The following MEGF6 variants were observed in gnomAD, a reference collection of about 807,000 sequenced individuals.
The protein encoded by MEGF6 is multiple epidermal growth factor-like domains protein 6.
Under a neutral mutation model 207.1 loss-of-function variants are expected in MEGF6, and 184 were observed. That is an observed-to-expected ratio of 0.89 (90% CI 0.79 to 1.00). The LOEUF (loss-of-function observed/expected upper bound fraction) is 1.00. Ranked by LOEUF, MEGF6 falls within the 50% of genes least tolerant of loss-of-function variation. The pLI is 0.00. For missense variants in MEGF6, 2,282 were observed against 2,202.9 expected, an observed-to-expected ratio of 1.04 and a Z score of -0.72; for synonymous variants, 1,038 against 910.0, an observed-to-expected ratio of 1.14 and a Z score of -2.53.
Position 3,573,341 on chromosome 1 carries a change from C to T in MEGF6, c.481+6484G>A, listed in dbSNP as rs1643560928. On this transcript the variant is annotated intron_variant, in intron 4 of 36. Transcript: ENST00000356575. The surrounding 1 kb of genome is among the most constrained non-coding windows in gnomAD (Gnocchi z 5.1). ...TCTCACACCAGACACAAAAAGCCTC[C>T]CCCAGGGTGGCCTCCTGGCTGAGCC... 6.6e-6 allele frequency among the ~76,000 whole-genome samples: 1 copy of T among 152,214 alleles called. No individual in the cohort carries two copies. Among genetic ancestry groups the T allele is most frequent in the South Asian group, 2.1e-4 (1 of 4,838 alleles).
chr1:3,534,419 C>T (rs182902057), intron 4 of MEGF6, among the ~76,000 whole-genome samples: 84 of 152,310 alleles, frequency 5.5e-4, no homozygotes, highest in Non-Finnish European at 9.6e-4. Context: ...GTGTGGCTCA[C>T]ATTCTGTTTC....
upstream of MEGF6, among the ~76,000 whole-genome samples, chr1:3,616,100 ATAACT>A: frequency 3.3e-5 from 5 of 152,212 alleles, no homozygotes; most frequent in Non-Finnish European, 7.3e-5. Context: ...AGCTCAGTGG[ATAACT>A]CAAGGTGCTA....
intron 17 of MEGF6, among the ~76,000 whole-genome samples, chr1:3,502,877 C>T (rs1640960271): frequency 6.6e-6 from 1 of 152,218 alleles, no homozygotes; most frequent in Non-Finnish European, 1.5e-5. Flanking sequence ...GCTCGGGTAG[C>T]AGCGAAGCCT....
At chr1:3,501,752 G>T (rs1331170490) in intron 18 of MEGF6, 44 bp downstream of exon 18, 1 of 1,598,622 alleles carries the variant, frequency 6.3e-7, no homozygotes, top group Non-Finnish European at 8.5e-7. Flanking sequence ...GCTTGGAGCC[G>T]TGCAGCCTGG....
chr1:3,516,702 C>T (rs948654134), intron 5 of MEGF6, among the ~76,000 whole-genome samples: 4 of 152,302 alleles, frequency 2.6e-5, no homozygotes, highest in South Asian at 2.1e-4. Context: ...GCTGGAGCAG[C>T]GGTGTTGCCT....
intron 5 of MEGF6, among the ~76,000 whole-genome samples, chr1:3,520,975 T>A (rs894126709): frequency 6.6e-6 from 1 of 151,392 alleles, no homozygotes; most frequent in Non-Finnish European, 1.5e-5. Flanking sequence ...GAAGGAAGGG[T>A]GGATTTTTAG....
At chr1:3,528,750 G>A (rs966701114) in intron 4 of MEGF6, among the ~76,000 whole-genome samples, 1 of 152,146 alleles carries the variant, frequency 6.6e-6, no homozygotes. Flanking sequence ...CAGGAATGCA[G>A]GCGGCCTCTA....
rs2101026953 is a variant in MEGF6 at position 3,509,087 on chromosome 1, T to A, written c.1516A>T (p.Thr506Ser). 2 of 1,596,014 alleles carry A rather than the reference T, an allele frequency of 1.3e-6. No individual in the cohort carries two copies. The highest frequency in any genetic ancestry group is 4.6e-5 in the East Asian group (2 of 43,794). Residue 506 changes from threonine (T) to serine (S), a missense_variant, in exon 12 of 37, where the codon ACA becomes TCA. Thr to Ser is a moderately conservative substitution (Grantham distance 58). Coordinates refer to ENST00000356575, the MANE Select transcript of MEGF6 (RefSeq NM_001409.4). Reference protein sequence around the residue: ...EAELRGEHTLTEKFVCLDDSF... With the variant: ...EAELRGEHTLSEKFVCLDDSF... The stretch of plus-strand genomic sequence containing the variant: ...GGCCCGCGCTCACCAAACTTCTCTG[T>A]GAGCGTGTGTTCGCCCCGCAACTCT...
rs915711090 is a variant in MEGF6 at position 3,488,477 on chromosome 1, T to C, written c.*2051A>G. Among the ~76,000 whole-genome samples, 3 of 152,240 alleles carry C rather than the reference T, an allele frequency of 2.0e-5. No homozygotes were observed. The highest frequency in any genetic ancestry group is 7.2e-5 in the African/African-American group (3 of 41,460). On this transcript the variant is annotated 3_prime_UTR_variant, in exon 37 of 37. Coordinates refer to ENST00000356575, the MANE Select transcript of MEGF6 (RefSeq NM_001409.4). ...TAGGCCATTTGGGAACTGTGGTGACTGAATATCTCAGAGCACCCTCCTGGC... is the reference window on the plus strand; with the variant it reads ...TAGGCCATTTGGGAACTGTGGTGACCGAATATCTCAGAGCACCCTCCTGGC...
intron 4 of MEGF6, among the ~76,000 whole-genome samples, chr1:3,563,893 G>C (rs1643274466): frequency 6.6e-6 from 1 of 152,188 alleles, no homozygotes; most frequent in African/African-American, 2.4e-5. Flanking sequence ...TGAGAGGCCA[G>C]AGCCTGCCCC....
chr1:3,531,539 C>A, intron 4 of MEGF6: 1 of 1,008,932 alleles, frequency 9.9e-7, no homozygotes, highest in South Asian at 4.6e-5. Flanking sequence ...CCCCACCTCC[C>A]CCAGGGGGCC....
chr1:3,622,599 C>T, the MEGF6 span, among the ~76,000 whole-genome samples: 1 of 152,248 alleles, frequency 6.6e-6, no homozygotes, highest in East Asian at 1.9e-4. Context: ...AAGAGACCCA[C>T]CTGGAGAAGG....
chr1:3,542,087 A>T (rs2821064), intron 4 of MEGF6, among the ~76,000 whole-genome samples: 72,205 of 151,924 alleles, frequency 0.48, 19,443 homozygotes, highest in Admixed American at 0.65. Flanking sequence ...CGCCTCCCCC[A>T]ACCCCCGGCT....
chr1:3,581,243 C>T (rs1340466671), intron 3 of MEGF6, among the ~76,000 whole-genome samples: 1 of 152,136 alleles, frequency 6.6e-6, no homozygotes, highest in Non-Finnish European at 1.5e-5. Flanking sequence ...AAACACGGGT[C>T]CCTGTGAATG....
chr1:3,588,679 AG>A (rs1643932539), intron 3 of MEGF6, among the ~76,000 whole-genome samples: 1 of 151,964 alleles, frequency 6.6e-6, no homozygotes, highest in African/African-American at 2.4e-5. Flanking sequence ...GGCACAGAGA[AG>A]GGCTCCAAGG....
chr1:3,557,021 G>C (rs1643054487), intron 4 of MEGF6, among the ~76,000 whole-genome samples: 1 of 152,174 alleles, frequency 6.6e-6, no homozygotes, highest in Admixed American at 6.5e-5. Context: ...GGGAAGGTCG[G>C]AGTCAGAGAG....
chr1:3,552,745 C>CCA (rs1642925015), intron 4 of MEGF6, among the ~76,000 whole-genome samples: 1 of 152,198 alleles, frequency 6.6e-6, no homozygotes, highest in African/African-American at 2.4e-5. Flanking sequence ...AATGAGGAGG[C>CCA]CACAGCCTGC....
chr1:3,578,805 T>C (rs2487684), intron 4 of MEGF6, among the ~76,000 whole-genome samples: 2,736 of 103,934 alleles, frequency 0.026, 78 homozygotes, highest in African/African-American at 0.097. Context: ...CTCAGCCTGG[T>C]CCCCAGCGGA....
At chr1:3,602,704 TC>T in intron 1 of MEGF6, 104 bp from the exon 2 acceptor site, 1 of 1,455,696 alleles carries the variant, frequency 6.9e-7, no homozygotes, top group South Asian at 1.4e-5. Context: ...TGGAGTGAGG[TC>T]CAGACCCGTG....
Sources: allele counts gnomAD v4.1 joint callset (sites outside exome capture counted in the v4.1 genomes callset), GRCh38; gene constraint gnomAD v4.1.1; non-coding constraint Gnocchi (gnomAD v3.1); transcripts MANE v1.5; gene names NCBI Gene and HGNC (gene_info 2026-07-23, HGNC 2026-07-21).